Variants in MAPK8 observed in about 807,000 individuals in gnomAD.
The protein encoded by MAPK8 is JUN N-terminal kinase.
In MAPK8, 13 loss-of-function variants were observed where a neutral mutation model predicts 52.9. The ratio of observed to expected loss-of-function variants is 0.25; its 90% CI spans 0.16 to 0.39. MAPK8 has a LOEUF of 0.39. Among genes scored for constraint, MAPK8 ranks in the 10% least tolerant of loss-of-function variants. The pLI is 1.00. For missense variants in MAPK8, 300 were observed against 519.2 expected (o/e 0.58, Z 4.10); for synonymous variants, 191 against 169.8 (o/e 1.12, Z -0.97).
intron 1 of MAPK8, among the ~76,000 whole-genome samples, chr10:48,341,103 AAGC>A (rs1845213005): frequency 6.6e-6 from 1 of 152,242 alleles, no homozygotes; most frequent in African/African-American, 2.4e-5. Flanking sequence ...ACCATGTTAG[AAGC>A]AGAAGTTATA....
chr10:48,328,902 G>A (rs1028939606), intron 1 of MAPK8, among the ~76,000 whole-genome samples: 1 of 152,198 alleles, frequency 6.6e-6, no homozygotes, highest in Admixed American at 6.5e-5. Flanking sequence ...AATTGAGGAT[G>A]CGGTATTCTG....
chr10:48,426,216 T>G (rs899458456), intron 8 of MAPK8, 146 bp downstream of exon 8: 21 of 887,672 alleles, frequency 2.4e-5, no homozygotes, highest in East Asian at 1.2e-4. Flanking sequence ...GAGGTTTTTG[T>G]TTTTTTTTTC....
intron 1 of MAPK8, among the ~76,000 whole-genome samples, chr10:48,325,468 G>T (rs1223696635): frequency 6.6e-6 from 1 of 152,024 alleles, no homozygotes; most frequent in Non-Finnish European, 1.5e-5. Context: ...GTATCACAGG[G>T]ATTTTTGTTT....
chr10:48,397,356 ATGTT>A (rs1466728104), intron 1 of MAPK8, among the ~76,000 whole-genome samples: 1 of 151,244 alleles, frequency 6.6e-6, no homozygotes, highest in African/African-American at 2.4e-5. Flanking sequence ...GGGTCTCTCT[ATGTT>A]GCCTAGGCTG....
intron 1 of MAPK8, among the ~76,000 whole-genome samples, chr10:48,336,733 G>C (rs192469857): frequency 2.0e-3 from 310 of 152,288 alleles, no homozygotes; most frequent in African/African-American, 6.2e-3. Context: ...CTGTACACAT[G>C]TAAGAGAATG....
intron 1 of MAPK8, among the ~76,000 whole-genome samples, chr10:48,317,193 A>G (rs532101933): frequency 6.6e-6 from 1 of 152,280 alleles, no homozygotes; most frequent in Non-Finnish European, 1.5e-5. Context: ...TTCTTTTTAA[A>G]GACAGGGTCT....
At chr10:48,350,984 GAGAA>G (rs1361799057) in intron 1 of MAPK8, among the ~76,000 whole-genome samples, 2 of 152,144 alleles carry the variant, frequency 1.3e-5, no homozygotes, top group Non-Finnish European at 1.5e-5. Context: ...TAGACAAACA[GAGAA>G]CCAAATCATG....
intron 1 of MAPK8, among the ~76,000 whole-genome samples, chr10:48,356,579 C>T (rs748719707): frequency 3.9e-5 from 6 of 152,054 alleles, no homozygotes; most frequent in Non-Finnish European, 8.8e-5. Context: ...TGATGGCTCA[C>T]ACCTATAGTC....
At chr10:48,397,715 CA>C (rs1330096813) in intron 1 of MAPK8, among the ~76,000 whole-genome samples, 5 of 152,104 alleles carry the variant, frequency 3.3e-5, no homozygotes, top group African/African-American at 1.2e-4. Flanking sequence ...CTCAGCCTCC[CA>C]AGTAGCTGGG....
chr10:48,427,675 G>A (rs979424516), intron 10 of MAPK8, among the ~76,000 whole-genome samples: 2 of 152,206 alleles, frequency 1.3e-5, no homozygotes, highest in Non-Finnish European at 2.9e-5. Flanking sequence ...TGTATTTTTA[G>A]TAGAGACAGG....
intron 5 of MAPK8, among the ~76,000 whole-genome samples, chr10:48,413,981 T>C (rs2042925669): frequency 6.6e-6 from 1 of 151,368 alleles, no homozygotes; most frequent in Non-Finnish European, 1.5e-5. Flanking sequence ...TATTTGAAGA[T>C]TGTATGCTCG....
At chr10:48,368,221 A>G (rs979748232) in intron 1 of MAPK8, among the ~76,000 whole-genome samples, 1 of 152,258 alleles carries the variant, frequency 6.6e-6, no homozygotes, top group African/African-American at 2.4e-5. Flanking sequence ...AACAAAATGC[A>G]TGCTCTTTAC....
rs2045063210 is a variant in MAPK8, at chr10:48,438,789, A to G, written c.*3760A>G. The G allele has an allele frequency of 6.6e-6, 1 of 152,214 alleles. No homozygotes were observed. The highest frequency in any genetic ancestry group is 2.4e-5 in the African/African-American group (1 of 41,456). The allele number at this position is 152,214 out of a possible 1,614,324, so 9.4% of individuals were successfully genotyped here. A position where few individuals can be genotyped will look rare whatever the true frequency, so the allele number is the denominator to read the frequency against. Reference sequence around the variant, plus strand: ...CCTTACATCAGTAAGAGACACGTGTAAAATCTTTGACTGTATGTCTTGCAA... The same window carrying G: ...CCTTACATCAGTAAGAGACACGTGTGAAATCTTTGACTGTATGTCTTGCAA... On this transcript the variant is annotated 3_prime_UTR_variant, in exon 12 of 12. Transcript: ENST00000374189.
At chr10:48,372,959 G>GA (rs766071354) in intron 1 of MAPK8, among the ~76,000 whole-genome samples, 2 of 152,040 alleles carry the variant, frequency 1.3e-5, no homozygotes, top group Non-Finnish European at 2.9e-5. Context: ...TGAAATGAAG[G>GA]AAAAAATCTT....
intron 5 of MAPK8, among the ~76,000 whole-genome samples, chr10:48,413,362 A>G (rs1370587619): frequency 1.3e-5 from 2 of 152,186 alleles, no homozygotes; most frequent in Admixed American, 6.5e-5. Flanking sequence ...AGAAACTGCC[A>G]CACTGTTTTC....
chr10:48,314,912 T>C (rs117439228), intron 1 of MAPK8, among the ~76,000 whole-genome samples: 9 of 152,188 alleles, frequency 5.9e-5, no homozygotes, highest in African/African-American at 1.9e-4. Context: ...TCACCAGATA[T>C]CCATCCATTT....
chr10:48,338,789 G>A (rs530229828), intron 1 of MAPK8, among the ~76,000 whole-genome samples: 1 of 151,858 alleles, frequency 6.6e-6, no homozygotes, highest in African/African-American at 2.4e-5. Context: ...TAACATTCAA[G>A]CTGAGAGCCA....
chr10:48,383,933 G>A (rs1450250475), intron 1 of MAPK8, among the ~76,000 whole-genome samples: 1 of 152,190 alleles, frequency 6.6e-6, no homozygotes, highest in Non-Finnish European at 1.5e-5. Context: ...GAAATCCAAG[G>A]AAGAAGGATG....
chr10:48,421,694 A>G (rs568551944), intron 6 of MAPK8, among the ~76,000 whole-genome samples: 3 of 152,200 alleles, frequency 2.0e-5, no homozygotes, highest in South Asian at 2.1e-4. Context: ...AATCCCAGCT[A>G]TTCTGGAGGT....
Sources: allele counts gnomAD v4.1 joint callset (sites outside exome capture counted in the v4.1 genomes callset), GRCh38; gene constraint gnomAD v4.1.1; transcripts MANE v1.5; gene names NCBI Gene and HGNC (gene_info 2026-07-23, HGNC 2026-07-21).